RBFOX1: variants seen among roughly 807,000 people sequenced by gnomAD.
RBFOX1 encodes RNA binding protein fox-1 homolog 1.
In RBFOX1, 8 loss-of-function variants were observed where a neutral mutation model predicts 57.7. The observed-to-expected ratio is 0.14, with a 90% confidence interval of 0.08 to 0.25. The LOEUF is 0.25. Among genes scored for constraint, RBFOX1 ranks in the 10% least tolerant of loss-of-function variants. RBFOX1 has a pLI of 1.00. For synonymous variants in RBFOX1, 326 were observed against 222.4 expected (o/e 1.47, Z -4.15); for missense variants, 611 against 548.5 (o/e 1.11, Z -1.14).
intron 3 of RBFOX1, among the ~76,000 whole-genome samples, chr16:6,841,081 T>A (rs1057114456): frequency 1.3e-5 from 2 of 152,116 alleles, no homozygotes; most frequent in African/African-American, 2.4e-5. Flanking sequence ...TTGTTTTTAA[T>A]TTTTAGCACC....
chr16:6,799,929 G>A (rs2084973630), intron 3 of RBFOX1, among the ~76,000 whole-genome samples: 1 of 152,122 alleles, frequency 6.6e-6, no homozygotes, highest in Non-Finnish European at 1.5e-5. Flanking sequence ...GGCTTATAGT[G>A]AGACTTCGTC....
At chr16:6,076,174 C>G (rs750620592) in intron 1 of RBFOX1, among the ~76,000 whole-genome samples, 15 of 151,964 alleles carry the variant, frequency 9.9e-5, no homozygotes, top group Non-Finnish European at 1.5e-4. Flanking sequence ...GGTGCATGCT[C>G]TATCATCCCA....
At chr16:7,052,760 C>T (rs904245962) in intron 4 of RBFOX1, among the ~76,000 whole-genome samples, 1 of 152,112 alleles carries the variant, frequency 6.6e-6, no homozygotes, top group African/African-American at 2.4e-5. Context: ...AGTGGACATT[C>T]TTCTTGGTAT....
At chr16:6,341,838 G>A (rs866863334) in intron 2 of RBFOX1, among the ~76,000 whole-genome samples, 33 of 152,108 alleles carry the variant, frequency 2.2e-4, no homozygotes, top group Non-Finnish European at 3.1e-4. Flanking sequence ...TCCAAGAACC[G>A]TTTATTGGAG....
chr16:6,890,044 T>C (rs2065046038), intron 3 of RBFOX1, among the ~76,000 whole-genome samples: 1 of 152,230 alleles, frequency 6.6e-6, no homozygotes, highest in Non-Finnish European at 1.5e-5. Context: ...CCACTTATAC[T>C]AGAAGTTGAT....
chr16:5,486,727 C>T (rs115302971), intron 2 of RBFOX1, among the ~76,000 whole-genome samples: 1 of 152,138 alleles, frequency 6.6e-6, no homozygotes, highest in Admixed American at 6.5e-5. Context: ...GGAGAAGACA[C>T]TCATCAGGAC....
At chr16:7,329,774 A>G (rs1316026481) in intron 4 of RBFOX1, among the ~76,000 whole-genome samples, 1 of 152,208 alleles carries the variant, frequency 6.6e-6, no homozygotes, top group African/African-American at 2.4e-5. Flanking sequence ...TAACTCAAGA[A>G]CAGCAAAAGG....
rs573006812 is a variant in RBFOX1, at chr16:5,740,275, A to G, written c.319-127028A>G. 3.5e-4 allele frequency among the ~76,000 whole-genome samples: 54 copies of G among 152,234 alleles called. No homozygotes were observed. The South Asian group carries it at 0.011, about 31-fold the overall frequency. On this transcript the variant is annotated intron_variant, in intron 3 of 19. Coordinates refer to the RBFOX1 transcript ENST00000641259. The stretch of plus-strand genomic sequence containing the variant: ...GTCATCATCAGAAGTGAGAGGAGCA[A>G]AGCATCCAGTCACCAAACACTGTGT...
At chr16:6,898,315 T>C (rs1355722522) in intron 3 of RBFOX1, among the ~76,000 whole-genome samples, 3 of 152,098 alleles carry the variant, frequency 2.0e-5, no homozygotes, top group African/African-American at 7.2e-5. Context: ...TCTCAGAGCA[T>C]AGCTTCCCCT....
chr16:7,567,098 T>G (rs557257382), intron 5 of RBFOX1, among the ~76,000 whole-genome samples: 1 of 150,546 alleles, frequency 6.6e-6, no homozygotes, highest in Admixed American at 6.7e-5. Context: ...TATATCTCCC[T>G]ATATATGTAT....
rs1020315698 is a variant in RBFOX1 at position 6,609,552 on chromosome 16, C to T, written c.-63-45051C>T. Among the ~76,000 whole-genome samples the T allele has an allele frequency of 5.9e-5, 9 of 152,124 alleles. No individual in the cohort carries two copies. The East Asian group carries it at 7.7e-4, about 13-fold the overall frequency. ...AACAACGGGGTTTCACTACATTGCC[C>T]AGGCTGGTATGATTTTTCTAAAATC... On this transcript the variant is annotated intron_variant, in intron 2 of 15. Coordinates refer to ENST00000550418, the MANE Select transcript of RBFOX1 (RefSeq NM_018723.4).
chr16:6,707,507 A>C (rs9938507), intron 3 of RBFOX1, among the ~76,000 whole-genome samples: 1 of 138,862 alleles, frequency 7.2e-6, no homozygotes, highest in Non-Finnish European at 1.5e-5. Flanking sequence ...TGTTGTAAAC[A>C]TCACTGCAGT....
At chr16:7,323,019 C>G (rs1286002521) in intron 4 of RBFOX1, among the ~76,000 whole-genome samples, 1 of 152,280 alleles carries the variant, frequency 6.6e-6, no homozygotes, top group Admixed American at 6.5e-5. Context: ...CTCCTCCTCT[C>G]TCTGCTCTTT....
intron 2 of RBFOX1, among the ~76,000 whole-genome samples, chr16:6,514,658 C>G (rs2096334752): frequency 6.6e-6 from 1 of 152,130 alleles, no homozygotes; most frequent in Non-Finnish European, 1.5e-5. Context: ...CCATCTCTAA[C>G]ATGACCACAA....
At position 7,450,025 on chromosome 16, in the gene RBFOX1, G is replaced by A. The variant is rs527401002; in HGVS notation, c.28-68122G>A. 2.0e-5 allele frequency among the ~76,000 whole-genome samples: 3 copies of A among 152,268 alleles called. No homozygotes were observed. In the East Asian group the frequency reaches 5.8e-4, roughly 29 times the overall value. On this transcript the variant is annotated intron_variant, in intron 4 of 15. Coordinates refer to ENST00000550418, the MANE Select transcript of RBFOX1 (RefSeq NM_018723.4). Reference sequence around the variant, plus strand: ...CAGTATTCAGGAGGAGAGCCTTGTGGCAGCTTTTCTGGGTGTGGATTTCAG... The same window carrying A: ...CAGTATTCAGGAGGAGAGCCTTGTGACAGCTTTTCTGGGTGTGGATTTCAG...
chr16:7,445,202 G>A (rs1210455386), intron 4 of RBFOX1, among the ~76,000 whole-genome samples: 1 of 151,942 alleles, frequency 6.6e-6, no homozygotes, highest in East Asian at 1.9e-4. Flanking sequence ...AAGGAAAGTT[G>A]GTAATATTAC....
chr16:5,956,570 G>T (rs1205903044), intron 4 of RBFOX1, among the ~76,000 whole-genome samples: 4 of 150,252 alleles, frequency 2.7e-5, no homozygotes, highest in Non-Finnish European at 5.9e-5. Context: ...TGGAAAACAG[G>T]CAGTGGGCTG....
chr16:7,452,494 T>C (rs569021188), intron 4 of RBFOX1, among the ~76,000 whole-genome samples: 1 of 152,326 alleles, frequency 6.6e-6, no homozygotes, highest in Admixed American at 6.5e-5. Context: ...AGAAAGTACC[T>C]TTTCTCTCTT....
At chr16:6,705,732 T>A (rs2062620878) in intron 3 of RBFOX1, among the ~76,000 whole-genome samples, 1 of 152,158 alleles carries the variant, frequency 6.6e-6, no homozygotes. Flanking sequence ...AAATTATAAA[T>A]TAGGGCCTGG....
Sources: allele counts gnomAD v4.1 joint callset (sites outside exome capture counted in the v4.1 genomes callset), GRCh38; gene constraint gnomAD v4.1.1; transcripts MANE v1.5; gene names NCBI Gene and HGNC (gene_info 2026-07-23, HGNC 2026-07-21).